The following CDK5RAP2 variants were observed in gnomAD, a reference collection of about 807,000 sequenced individuals.
CDK5RAP2 encodes CDK5 regulatory subunit-associated protein 2.
In CDK5RAP2, 147 loss-of-function variants were observed where a neutral mutation model predicts 232.9. The ratio of observed to expected loss-of-function variants is 0.63; its 90% confidence interval spans 0.55 to 0.72. The LOEUF is 0.72. Among genes scored for constraint, CDK5RAP2 ranks in the 30% least tolerant of loss-of-function variants. The probability of loss-of-function intolerance (pLI) is 0.00; values close to 1 mark genes in which losing one functional copy is unlikely to be tolerated. For missense variants in CDK5RAP2, 2,195 were observed against 2,231.5 expected (o/e 0.98, Z 0.33); for synonymous variants, 833 against 833.7 (o/e 1.00, Z 0.01).
intron 21 of CDK5RAP2, among the ~76,000 whole-genome samples, chr9:120,448,577 A>G (rs532661654): frequency 1.8e-4 from 28 of 152,204 alleles, no homozygotes; most frequent in Non-Finnish European, 2.9e-4. Context: ...TCCCAGGCTC[A>G]GAACTCCCAG....
chr9:120,525,166 G>A lies in CDK5RAP2; in HGVS notation c.1000-88C>T, dbSNP rs372737740. The A allele has an allele frequency of 7.7e-5, 78 of 1,011,836 alleles. No homozygotes were observed. In the East Asian group the frequency reaches 1.0e-3, roughly 13 times the overall value. 62.7% of individuals were successfully genotyped at this position (1,011,836 alleles called of 1,614,324 possible). On this transcript the variant is annotated intron_variant, in intron 10 of 37. Coordinates refer to ENST00000349780, the MANE Select transcript of CDK5RAP2 (RefSeq NM_018249.6). ...CATGCTTTTCCTGCTCAATTGTGTC[G>A]TGCTTATAATCAAGGGCTTTGTAGT...
chr9:120,400,939 A>C, intron 34 of CDK5RAP2, 54 bp from the exon 35 acceptor site: 9 of 1,604,006 alleles, frequency 5.6e-6, no homozygotes, highest in Non-Finnish European at 7.7e-6. Context: ...GATTTTAGAC[A>C]AGCAAGCCTT....
At chr9:120,402,755 C>A (rs2033134766) in intron 34 of CDK5RAP2, 51 bp downstream of exon 34, 1 of 1,608,984 alleles carries the variant, frequency 6.2e-7, no homozygotes, top group Non-Finnish European at 8.5e-7. Flanking sequence ...CCCCCTTCCA[C>A]CGACACTCCC....
At chr9:120,503,499 A>C (rs1268872071) in intron 12 of CDK5RAP2, among the ~76,000 whole-genome samples, 1 of 152,156 alleles carries the variant, frequency 6.6e-6, no homozygotes, top group Non-Finnish European at 1.5e-5. Flanking sequence ...GAGTACAACA[A>C]TCAGAACTGA....
At chr9:120,528,672 G>A in intron 9 of CDK5RAP2, 72 bp downstream of exon 9, 1 of 912,220 alleles carries the variant, frequency 1.1e-6, no homozygotes, top group Non-Finnish European at 1.8e-6. Context: ...ATTATCTGCT[G>A]CACTCAGAAT....
At chr9:120,542,130 G>T (rs1489351412) in intron 5 of CDK5RAP2, among the ~76,000 whole-genome samples, 1 of 152,196 alleles carries the variant, frequency 6.6e-6, no homozygotes, top group Non-Finnish European at 1.5e-5. Flanking sequence ...GGAGTTGAGG[G>T]TATCATATTA....
intron 15 of CDK5RAP2, among the ~76,000 whole-genome samples, chr9:120,476,354 T>C (rs978036034): frequency 2.6e-5 from 4 of 152,044 alleles, no homozygotes; most frequent in Non-Finnish European, 5.9e-5. Context: ...TGTTTGGAAA[T>C]GAATCCCAGA....
At chr9:120,564,998 C>T (rs2042597901) in intron 3 of CDK5RAP2, among the ~76,000 whole-genome samples, 1 of 152,150 alleles carries the variant, frequency 6.6e-6, no homozygotes, top group African/African-American at 2.4e-5. Context: ...ACCATAAGGC[C>T]TGCCATACAG....
At chr9:120,571,626 C>A (rs780871909) in intron 2 of CDK5RAP2, 24 of 368,148 alleles carry the variant, frequency 6.5e-5, no homozygotes, top group Non-Finnish European at 1.3e-4. Context: ...ACGCTACAGT[C>A]CAGATGGCAG....
intron 3 of CDK5RAP2, among the ~76,000 whole-genome samples, chr9:120,565,279 A>C (rs1021155817): frequency 6.6e-6 from 1 of 152,044 alleles, no homozygotes; most frequent in Non-Finnish European, 1.5e-5. Context: ...CTCCATTCTA[A>C]ATATCCCTTC....
chr9:120,556,014 T>C (rs1483406549), intron 3 of CDK5RAP2, among the ~76,000 whole-genome samples: 1 of 152,224 alleles, frequency 6.6e-6, no homozygotes, highest in Non-Finnish European at 1.5e-5. Context: ...AGGGCATTAG[T>C]TGCCACAGGC....
At chr9:120,455,053 T>C (rs1000101546) in intron 20 of CDK5RAP2, among the ~76,000 whole-genome samples, 22 of 152,286 alleles carry the variant, frequency 1.4e-4, no homozygotes, top group African/African-American at 4.8e-4. Context: ...GAAGAGCCCC[T>C]TGTGTGTTTC....
At chr9:120,466,777 T>A (rs1157524711) in intron 18 of CDK5RAP2, among the ~76,000 whole-genome samples, 1 of 152,216 alleles carries the variant, frequency 6.6e-6, no homozygotes, top group Non-Finnish European at 1.5e-5. Flanking sequence ...CCTTTGAGCA[T>A]TTCCCACTTT....
At chr9:120,450,452 G>A (rs1279735425) in intron 21 of CDK5RAP2, among the ~76,000 whole-genome samples, 1 of 151,906 alleles carries the variant, frequency 6.6e-6, no homozygotes, top group African/African-American at 2.4e-5. Context: ...TCTGTGAATA[G>A]ACTAAAAAAA....
Position 120,491,298 on chromosome 9 carries a change from T to C in CDK5RAP2, c.1482+9A>G. 6.2e-7 allele frequency: 1 copy of C among 1,608,104 alleles called. No individual in the cohort carries two copies. The highest frequency in any genetic ancestry group is 8.5e-7 in the Non-Finnish European group (1 of 1,175,122). On this transcript the variant is annotated intron_variant, in intron 13 of 37. Coordinates refer to ENST00000349780, the MANE Select transcript of CDK5RAP2 (RefSeq NM_018249.6). ...AAATTAAAAAATTTAAATACAAAAG[T>C]TACAGTACCTGAAGCAACACGTCCT...
rs1418439510 is a variant in CDK5RAP2, at chr9:120,397,564, AAG to A, written c.5452-2928_5452-2927del. ...ATTCTTAAAAAAAAAAAAAAAAAAA[AAG>A]AAAAAAGAAAAAAAAAAAAGCCCAA... On this transcript the variant is annotated intron_variant, in intron 35 of 37. Coordinates refer to ENST00000349780, the MANE Select transcript of CDK5RAP2 (RefSeq NM_018249.6). Among the ~76,000 whole-genome samples, 270 of 124,314 alleles carry A rather than the reference AAG, an allele frequency of 2.2e-3. 7 individuals carry two copies. Among genetic ancestry groups the A allele is most frequent in the African/African-American group, 6.6e-3 (187 of 28,508 alleles). The allele number at this position is 124,314 out of a possible 152,430, so 81.6% of individuals were successfully genotyped here.
At chr9:120,533,278 A>G (rs1486545434) in intron 7 of CDK5RAP2, among the ~76,000 whole-genome samples, 1 of 152,148 alleles carries the variant, frequency 6.6e-6, no homozygotes, top group East Asian at 1.9e-4. Flanking sequence ...GGCCACACTC[A>G]GTAGTTGGTT....
At chr9:120,458,930 G>T (rs1212855844) in intron 19 of CDK5RAP2, among the ~76,000 whole-genome samples, 1 of 152,176 alleles carries the variant, frequency 6.6e-6, no homozygotes, top group Non-Finnish European at 1.5e-5. Flanking sequence ...TCCCGAGGTG[G>T]TTAGGAGAAT....
intron 14 of CDK5RAP2, among the ~76,000 whole-genome samples, chr9:120,483,233 C>T (rs776839833): frequency 2.0e-5 from 3 of 152,268 alleles, no homozygotes; most frequent in Non-Finnish European, 4.4e-5. Flanking sequence ...CCGCATTCCC[C>T]TGCCTCACCT....
Sources: gnomAD v4.1 joint callset for allele counts (sites outside exome capture counted in the v4.1 genomes callset) on GRCh38, gnomAD v4.1.1 for gene constraint, MANE v1.5 for transcripts, NCBI Gene and HGNC (gene_info 2026-07-23, HGNC 2026-07-21) for gene names.